ZNF407: variants seen among roughly 807,000 people sequenced by gnomAD.
ZNF407 encodes zinc finger protein 407.
Under a neutral mutation model 131.2 loss-of-function variants are expected in ZNF407, and 17 were observed. That is an observed-to-expected ratio of 0.13 (90% CI 0.09 to 0.19). The LOEUF is 0.19. ZNF407 is among the 10% of genes least tolerant of loss of function. ZNF407 has a pLI of 1.00. For missense variants in ZNF407, 2,681 were observed against 2,830.6 expected, an observed-to-expected ratio of 0.95 and a Z score of 1.20; for synonymous variants, 1,156 against 1,062.0, an observed-to-expected ratio of 1.09 and a Z score of -1.72.
intron 4 of ZNF407, among the ~76,000 whole-genome samples, chr18:74,875,853 T>TA (rs1235415556): frequency 1.3e-5 from 2 of 152,190 alleles, no homozygotes; most frequent in Admixed American, 1.3e-4. Context: ...TGGCAATTCT[T>TA]AAATATTTAA....
chr18:74,765,313 T>G (rs1466102589), intron 3 of ZNF407, among the ~76,000 whole-genome samples: 1 of 152,224 alleles, frequency 6.6e-6, no homozygotes, highest in Non-Finnish European at 1.5e-5. Context: ...TTTTTACACT[T>G]CTTTGCATGC....
intron 3 of ZNF407, among the ~76,000 whole-genome samples, chr18:74,646,039 T>C (rs560402210): frequency 2.5e-4 from 38 of 152,296 alleles, no homozygotes; most frequent in African/African-American, 8.9e-4. Flanking sequence ...CTTGAGAGCT[T>C]AATTTATCCA....
chr18:74,898,586 A>G (rs1971483513), intron 7 of ZNF407: 1 of 152,086 alleles, frequency 6.6e-6, no homozygotes, highest in African/African-American at 2.4e-5. Flanking sequence ...TTAAACTTTA[A>G]TCTCTTATTT....
chr18:74,740,655 G>A (rs1178595194), intron 3 of ZNF407, among the ~76,000 whole-genome samples: 1 of 152,162 alleles, frequency 6.6e-6, no homozygotes, highest in Non-Finnish European at 1.5e-5. Context: ...GGGGCATGGA[G>A]TGGGGATTTT....
intron 8 of ZNF407, among the ~76,000 whole-genome samples, chr18:74,941,454 C>A (rs1972098301): frequency 6.6e-6 from 1 of 152,136 alleles, no homozygotes; most frequent in Non-Finnish European, 1.5e-5. Flanking sequence ...AGTAGGTTTT[C>A]TCACCGATGG....
In ZNF407 at chr18:74,892,452, A is replaced by G. The variant is rs139067072; in HGVS notation, c.5249+2414A>G. On this transcript the variant is annotated intron_variant, in intron 7 of 8. Coordinates refer to ENST00000299687, the MANE Select transcript of ZNF407 (RefSeq NM_017757.3). ...TCACCTAGAGAGAGTCGGCCACGTC[A>G]GTCGCTTGATGAGCGTCCGCCCTTG... Among the ~76,000 whole-genome samples the G allele has an allele frequency of 9.8e-5, 15 of 152,360 alleles. No individual in the cohort carries two copies. The East Asian group carries it at 2.9e-3, about 29-fold the overall frequency.
At chr18:74,971,798 C>T (rs890025957) in intron 8 of ZNF407, among the ~76,000 whole-genome samples, 6 of 152,160 alleles carry the variant, frequency 3.9e-5, no homozygotes, top group Non-Finnish European at 7.3e-5. Flanking sequence ...TTCAGCAACA[C>T]CCCACTCTAC....
At chr18:74,777,031 G>A (rs1232757073) in intron 3 of ZNF407, among the ~76,000 whole-genome samples, 2 of 152,086 alleles carry the variant, frequency 1.3e-5, no homozygotes, top group East Asian at 3.9e-4. Context: ...GTGGACTTGT[G>A]CAGTTCAGAC....
chr18:74,914,569 T>C (rs1225283979), intron 7 of ZNF407, among the ~76,000 whole-genome samples: 6 of 152,202 alleles, frequency 3.9e-5, no homozygotes, highest in African/African-American at 1.4e-4. Flanking sequence ...AAAAAGATAA[T>C]GCATAGATTA....
At chr18:74,930,301 T>C (rs1971967561) in intron 8 of ZNF407, among the ~76,000 whole-genome samples, 1 of 152,256 alleles carries the variant, frequency 6.6e-6, no homozygotes, top group African/African-American at 2.4e-5. Flanking sequence ...AAATGTGTGC[T>C]GTGCCTGGAG....
At chr18:75,009,622 A>G (rs537890675) in intron 8 of ZNF407, among the ~76,000 whole-genome samples, 7 of 152,364 alleles carry the variant, frequency 4.6e-5, no homozygotes, top group African/African-American at 1.4e-4. Flanking sequence ...AACGCTTACT[A>G]TGCCAGGCAC....
chr18:75,054,059 A>G (rs562968516), intron 8 of ZNF407, among the ~76,000 whole-genome samples: 2 of 152,362 alleles, frequency 1.3e-5, no homozygotes, highest in Admixed American at 6.5e-5. Context: ...TGCTATCCAC[A>G]GGGTGCTGGA....
intron 3 of ZNF407, among the ~76,000 whole-genome samples, chr18:74,685,201 T>A (rs1599068048): frequency 6.6e-6 from 1 of 152,022 alleles, no homozygotes; most frequent in Non-Finnish European, 1.5e-5. Context: ...TAATTGTCTA[T>A]TTTTTTTCAG....
intron 8 of ZNF407, among the ~76,000 whole-genome samples, chr18:75,024,984 A>G (rs187103118): frequency 6.6e-6 from 1 of 152,332 alleles, no homozygotes; most frequent in African/African-American, 2.4e-5. Flanking sequence ...ATGAATAATG[A>G]ATCTTTGAAT....
At chr18:74,728,207 A>T (rs1240507062) in intron 3 of ZNF407, among the ~76,000 whole-genome samples, 1 of 152,238 alleles carries the variant, frequency 6.6e-6, no homozygotes, top group Non-Finnish European at 1.5e-5. Context: ...ATCAGAAGAA[A>T]CTGCCGAATT....
intron 3 of ZNF407, among the ~76,000 whole-genome samples, chr18:74,755,930 G>A (rs1968950996): frequency 1.2e-5 from 1 of 85,132 alleles, no homozygotes; most frequent in South Asian, 4.6e-4. Context: ...GTCTAACTCT[G>A]TTGCCCAGGC....
rs946767371 is a variant in ZNF407, at chr18:74,920,317, A to T, written c.5250-197A>T. Among the ~76,000 whole-genome samples the T allele has an allele frequency of 3.3e-5, 5 of 152,328 alleles. No homozygotes were observed. The East Asian group carries it at 9.6e-4, about 29-fold the overall frequency. ...TCATAGAAATGAAGCTAAAAGACCAACTTAAAAATTCATACCAGGGTTATA... is the reference window on the plus strand; with the variant it reads ...TCATAGAAATGAAGCTAAAAGACCATCTTAAAAATTCATACCAGGGTTATA... On this transcript the variant is annotated intron_variant, in intron 7 of 8. Transcript: ENST00000299687.
chr18:75,052,076 A>T (rs1379527664), intron 8 of ZNF407, among the ~76,000 whole-genome samples: 1 of 152,190 alleles, frequency 6.6e-6, no homozygotes, highest in Non-Finnish European at 1.5e-5. Flanking sequence ...TGGAAATGGA[A>T]GGCTACCCTT....
intron 8 of ZNF407, among the ~76,000 whole-genome samples, chr18:74,953,574 C>T (rs1972240648): frequency 6.6e-6 from 1 of 152,164 alleles, no homozygotes; most frequent in Non-Finnish European, 1.5e-5. Context: ...TGAGGAGGAG[C>T]TCCCTGCCTC....
Sources: gnomAD v4.1 joint callset for allele counts (sites outside exome capture counted in the v4.1 genomes callset) on GRCh38, gnomAD v4.1.1 for gene constraint, MANE v1.5 for transcripts, NCBI Gene and HGNC (gene_info 2026-07-23, HGNC 2026-07-21) for gene names.